TEX9: variants seen among roughly 807,000 people sequenced by gnomAD.
TEX9 encodes testis expressed 9, also known as testis-expressed protein 9.
In TEX9, 74 loss-of-function variants were observed where a neutral mutation model predicts 59.6. The ratio of observed to expected loss-of-function variants is 1.24; its 90% CI spans 1.03 to 1.51. The LOEUF (loss-of-function observed/expected upper bound fraction) is 1.51. Ranked by LOEUF, TEX9 falls within the 40% of genes most tolerant of loss-of-function variation. TEX9 has a pLI of 0.00. For synonymous variants in TEX9, 186 were observed against 152.2 expected (o/e 1.22, Z -1.64); for missense variants, 522 against 447.8 (o/e 1.17, Z -1.49).
Position 56,251,984 on chromosome 15 carries a change from C to G in TEX9, c.-107+7706C>G, listed in dbSNP as rs551019114. ...CTCAGGAGAAGACTTTCATTACTTCCTTAGTTTAGTGTGATTTTCTCCTCC... is the reference window on the plus strand; with the variant it reads ...CTCAGGAGAAGACTTTCATTACTTCGTTAGTTTAGTGTGATTTTCTCCTCC... On this transcript the variant is annotated intron_variant, in intron 1 of 5. Transcript: ENST00000560827. Among the ~76,000 whole-genome samples, 19 of 152,200 alleles carry G rather than the reference C, an allele frequency of 1.2e-4. No homozygotes were observed. In the South Asian group the frequency reaches 3.9e-3, roughly 32 times the overall value.
intron 12 of TEX9, chr15:56,428,891 T>C: frequency 4.0e-6 from 2 of 501,724 alleles, no homozygotes; most frequent in Non-Finnish European, 7.0e-6. Context: ...GTTGTAGAAA[T>C]CGGATTTTGA....
At chr15:56,426,221 C>T (rs2140272049) in intron 10 of TEX9, among the ~76,000 whole-genome samples, 1 of 152,134 alleles carries the variant, frequency 6.6e-6, no homozygotes, top group East Asian at 1.9e-4. Context: ...CTCAGGCAGG[C>T]CCCAGAAAAG....
intron 1 of TEX9, chr15:56,244,386 G>C (rs1433819008): frequency 6.6e-6 from 1 of 152,182 alleles, no homozygotes; most frequent in Non-Finnish European, 1.5e-5. Context: ...GTCAGGAGCT[G>C]GGTTGAGTGC....
chr15:56,433,636 G>T (rs1168747528), intron 12 of TEX9, among the ~76,000 whole-genome samples: 1 of 152,000 alleles, frequency 6.6e-6, no homozygotes, highest in Non-Finnish European at 1.5e-5. Flanking sequence ...CTATCTCCGA[G>T]CTTACTCATC....
intron 1 of TEX9, among the ~76,000 whole-genome samples, chr15:56,269,946 G>A (rs532533250): frequency 2.6e-4 from 40 of 152,160 alleles, no homozygotes; most frequent in South Asian, 8.3e-4. Flanking sequence ...GTGAGCCACC[G>A]CGCCCGGCCC....
chr15:56,347,031 G>C (rs1309589953), intron 1 of TEX9, among the ~76,000 whole-genome samples: 1 of 152,150 alleles, frequency 6.6e-6, no homozygotes, highest in South Asian at 2.1e-4. Context: ...CCAAATATGC[G>C]TAGGACTTGT....
At chr15:56,307,211 G>C (rs1355572016) in intron 1 of TEX9, among the ~76,000 whole-genome samples, 3 of 152,148 alleles carry the variant, frequency 2.0e-5, no homozygotes, top group Admixed American at 1.3e-4. Context: ...CTGAATTAAG[G>C]TACTTCCACA....
At chr15:56,320,919 C>T (rs757190706) in intron 1 of TEX9, among the ~76,000 whole-genome samples, 1 of 152,166 alleles carries the variant, frequency 6.6e-6, no homozygotes, top group Non-Finnish European at 1.5e-5. Flanking sequence ...GAAATAAAGA[C>T]AGTACATTTC....
chr15:56,271,374 T>C (rs1261565860), intron 1 of TEX9, among the ~76,000 whole-genome samples: 1 of 152,224 alleles, frequency 6.6e-6, no homozygotes, highest in African/African-American at 2.4e-5. Flanking sequence ...TCTCGCTTCA[T>C]TTCATTAATT....
intron 9 of TEX9, among the ~76,000 whole-genome samples, chr15:56,410,915 G>C (rs1401801456): frequency 2.6e-5 from 4 of 152,198 alleles, no homozygotes; most frequent in African/African-American, 9.6e-5. Flanking sequence ...TGTGAAGAAG[G>C]CTGTGATAGC....
chr15:56,313,742 A>G (rs1178312099), intron 1 of TEX9, among the ~76,000 whole-genome samples: 3 of 137,486 alleles, frequency 2.2e-5, no homozygotes, highest in African/African-American at 5.3e-5. Flanking sequence ...TCCTCCTTGT[A>G]CCTCTGGTAG....
At chr15:56,271,455 G>A (rs1316422533) in intron 1 of TEX9, among the ~76,000 whole-genome samples, 3 of 151,982 alleles carry the variant, frequency 2.0e-5, no homozygotes, top group Admixed American at 6.6e-5. Flanking sequence ...CATGCGTCAC[G>A]TAGTTCTCGT....
At chr15:56,415,101 ATTTG>A (rs1218737798) in intron 10 of TEX9, among the ~76,000 whole-genome samples, 9 of 151,506 alleles carry the variant, frequency 5.9e-5, no homozygotes, top group African/African-American at 2.0e-4. Context: ...TCTCTTGTAA[ATTTG>A]TTTAAGTTCC....
At chr15:56,403,476 A>G (rs1168295671) in intron 9 of TEX9, among the ~76,000 whole-genome samples, 6 of 152,244 alleles carry the variant, frequency 3.9e-5, no homozygotes, top group South Asian at 2.1e-4. Flanking sequence ...TCAATGAAAT[A>G]AAAGAGGACA....
At position 56,365,460 on chromosome 15, in the gene TEX9, C is replaced by T. The variant is rs772645619; in HGVS notation, c.10C>T (p.Arg4Ter). ...GTCGCAGTCGCCGAAGATGGCGGGG[C>T]GAAGTCTGTGTCTCACGGTCAGTTC... is the stretch of plus-strand genomic sequence containing the variant. The change falls in exon 1 of 13, where the codon CGA becomes TGA. Residue 4 changes from arginine (R) to a stop codon, truncating the protein, a stop_gained. Transcript: ENST00000352903. LOFTEE classifies it high-confidence loss of function. 22 of 1,612,586 alleles carry T rather than the reference C, an allele frequency of 1.4e-5. No individual in the cohort carries two copies. The East Asian group carries it at 2.5e-4, about 18-fold the overall frequency.
intron 1 of TEX9, among the ~76,000 whole-genome samples, chr15:56,312,865 C>G (rs1442220780): frequency 3.5e-5 from 4 of 113,348 alleles, no homozygotes; most frequent in Non-Finnish European, 7.3e-5. Context: ...CTTCACATCC[C>G]TTGTAAGTTG....
intron 6 of TEX9, among the ~76,000 whole-genome samples, chr15:56,390,233 T>A (rs191552256): frequency 1.4e-3 from 214 of 152,044 alleles, no homozygotes; most frequent in Non-Finnish European, 2.6e-3. Flanking sequence ...CACATTTTTT[T>A]AAAAAAAGTT....
At chr15:56,267,928 A>G (rs1468457617) in intron 1 of TEX9, among the ~76,000 whole-genome samples, 1 of 152,050 alleles carries the variant, frequency 6.6e-6, no homozygotes, top group Non-Finnish European at 1.5e-5. Context: ...CAGTATGGCC[A>G]TTTTCACGAT....
intron 1 of TEX9, among the ~76,000 whole-genome samples, chr15:56,257,636 C>T (rs749027132): frequency 5.9e-5 from 9 of 151,400 alleles, no homozygotes; most frequent in South Asian, 4.2e-4. Flanking sequence ...ACTTTTTAAT[C>T]GGGTTGTTTT....
Sources: allele counts gnomAD v4.1 joint callset (sites outside exome capture counted in the v4.1 genomes callset), GRCh38; gene constraint gnomAD v4.1.1; transcripts MANE v1.5; gene names NCBI Gene and HGNC (gene_info 2026-07-23, HGNC 2026-07-21).